Variants in ACOT1 observed in about 807,000 individuals in gnomAD.
ACOT1 encodes acyl-coenzyme A thioesterase 1.
In ACOT1, 8 loss-of-function variants were observed where a neutral mutation model predicts 15.7. The observed-to-expected ratio is 0.51, with a 90% CI of 0.30 to 0.92. The LOEUF is 0.92. ACOT1 is among the 40% of genes least tolerant of loss of function. ACOT1 has a pLI of 0.06. For synonymous variants in ACOT1, 67 were observed against 241.2 expected (o/e 0.28, Z 6.69); for missense variants, 151 against 539.4 (o/e 0.28, Z 7.13).
chr14:73,506,924 C>T, the ACOT1 span, among the ~76,000 whole-genome samples: 1 of 150,610 alleles, frequency 6.6e-6, no homozygotes, highest in Non-Finnish European at 1.5e-5. Flanking sequence ...CCTCAGCCTC[C>T]CAAGTAGCTG....
At chr14:73,514,557 A>G in the ACOT1 span, among the ~76,000 whole-genome samples, 8 of 152,344 alleles carry the variant, frequency 5.3e-5, no homozygotes, top group Middle Eastern at 3.4e-3. Context: ...ATATGTTTAT[A>G]TGTAACGAGA....
chr14:73,491,775 A>G, the ACOT1 span: 1 of 1,573,382 alleles, frequency 6.4e-7, no homozygotes, highest in Non-Finnish European at 8.6e-7. Context: ...ATGCTGCGCA[A>G]CGAGGAGGTG....
At chr14:73,532,179 A>G (rs1888726924), upstream of ACOT1, among the ~76,000 whole-genome samples, 1 of 115,868 alleles carries the variant, frequency 8.6e-6, no homozygotes, top group Non-Finnish European at 1.9e-5. Flanking sequence ...CTGATAAAAC[A>G]GATGGTAAAG....
chr14:73,513,378 G>C, the ACOT1 span, among the ~76,000 whole-genome samples: 8 of 151,842 alleles, frequency 5.3e-5, no homozygotes, highest in Non-Finnish European at 7.4e-5. Context: ...AGAATCGCTT[G>C]AACCTGGGAG....
At chr14:73,507,820 G>A in the ACOT1 span, among the ~76,000 whole-genome samples, 1 of 152,076 alleles carries the variant, frequency 6.6e-6, no homozygotes, top group Admixed American at 6.5e-5. Context: ...TCAGCTCACT[G>A]CAACCTTCAC....
upstream of ACOT1, among the ~76,000 whole-genome samples, chr14:73,535,486 T>C (rs1210302309): frequency 0.044 from 2,336 of 53,334 alleles, 511 homozygotes; most frequent in African/African-American, 0.2. Context: ...TTTTTTTTTT[T>C]TTTTTTTTTT....
At chr14:73,501,004 A>G in the ACOT1 span, among the ~76,000 whole-genome samples, 1 of 152,240 alleles carries the variant, frequency 6.6e-6, no homozygotes, top group African/African-American at 2.4e-5. Flanking sequence ...ACCTCTTTTC[A>G]CAGTCAAGTT....
the ACOT1 span, among the ~76,000 whole-genome samples, chr14:73,494,869 C>T: frequency 3.3e-5 from 5 of 152,172 alleles, no homozygotes; most frequent in Admixed American, 6.5e-5. Context: ...CCACCAACCA[C>T]TACCACTATT....
the ACOT1 span, among the ~76,000 whole-genome samples, chr14:73,499,835 A>G: frequency 2.0e-5 from 3 of 152,182 alleles, no homozygotes; most frequent in Non-Finnish European, 4.4e-5. Context: ...GTGCTCTAGA[A>G]TCGAAGTCTG....
chr14:73,537,514 G>T lies in ACOT1; in HGVS notation c.93G>T (p.Pro31=), dbSNP rs1180383431. 26 of 1,213,748 alleles carry T rather than the reference G, an allele frequency of 2.1e-5. 7 individuals carry two copies. The highest frequency in any genetic ancestry group is 2.8e-5 in the Non-Finnish European group (26 of 922,180). 75.2% of individuals were successfully genotyped at this position (1,213,748 alleles called of 1,614,324 possible). A position where few individuals can be genotyped will look rare whatever the true frequency, so the allele number is the denominator to read the frequency against. ...TGCGCGGCCTAGCCCCGGAGCAGCCGGTCACGCTGCGCGCGTCCCTGCGCG... is the reference window on the plus strand; with the variant it reads ...TGCGCGGCCTAGCCCCGGAGCAGCCTGTCACGCTGCGCGCGTCCCTGCGCG... ...IAVRGLAPEQ[P]VTLRASLRDE... The change falls in exon 1 of 3, where the codon CCG becomes CCT. Residue 31 remains proline (P), a synonymous_variant. Transcript: ENST00000311148.
chr14:73,497,943 G>T, the ACOT1 span, among the ~76,000 whole-genome samples: 1 of 152,118 alleles, frequency 6.6e-6, no homozygotes, highest in Admixed American at 6.5e-5. Context: ...ATCCTGGTGG[G>T]GAGAAAAGAT....
the ACOT1 span, among the ~76,000 whole-genome samples, chr14:73,510,110 C>T: frequency 6.6e-6 from 1 of 151,644 alleles, no homozygotes; most frequent in Non-Finnish European, 1.5e-5. Flanking sequence ...ATCCACCTGC[C>T]TCAGCCTCCC....
the ACOT1 span, chr14:73,496,790 A>T: frequency 3.0e-6 from 2 of 671,648 alleles, no homozygotes; most frequent in South Asian, 3.5e-5. Flanking sequence ...TCCAATCCTA[A>T]CTGTGCAGTT....
chr14:73,533,635 C>G (rs554064126), upstream of ACOT1, among the ~76,000 whole-genome samples: 5 of 113,894 alleles, frequency 4.4e-5, 2 homozygotes, highest in East Asian at 3.5e-3. Flanking sequence ...GCTGAGACCG[C>G]GCCACTGCAC....
At chr14:73,498,332 A>G in the ACOT1 span, 7 of 1,602,964 alleles carry the variant, frequency 4.4e-6, no homozygotes, top group Admixed American at 6.8e-5. Context: ...TACTTGCCCA[A>G]TCTGTCCCAA....
At chr14:73,515,125 A>T in the ACOT1 span, among the ~76,000 whole-genome samples, 2 of 152,002 alleles carry the variant, frequency 1.3e-5, no homozygotes, top group Non-Finnish European at 2.9e-5. Context: ...AATGTTTTTC[A>T]TGGTGTCAAA....
chr14:73,499,052 G>C, the ACOT1 span: 2 of 1,607,314 alleles, frequency 1.2e-6, no homozygotes. Context: ...AAGAGTTTGG[G>C]GCACTACTTC....
At chr14:73,509,156 A>G in the ACOT1 span, among the ~76,000 whole-genome samples, 2 of 152,060 alleles carry the variant, frequency 1.3e-5, no homozygotes, top group African/African-American at 2.4e-5. Flanking sequence ...TGTGAGCGAC[A>G]GTGTCTGGTC....
At chr14:73,506,461 G>A in the ACOT1 span, 1 of 1,610,070 alleles carries the variant, frequency 6.2e-7, no homozygotes, top group Non-Finnish European at 8.5e-7. Flanking sequence ...AAAGAAAGAG[G>A]TTTACCAAGC....
Sources: allele counts gnomAD v4.1 joint callset (sites outside exome capture counted in the v4.1 genomes callset), GRCh38; gene constraint gnomAD v4.1.1; transcripts MANE v1.5; gene names NCBI Gene and HGNC (gene_info 2026-07-23, HGNC 2026-07-21).